The following NIM1K variants were observed in gnomAD, a reference collection of about 807,000 sequenced individuals.
NIM1K encodes serine/threonine-protein kinase NIM1.
A neutral mutation model predicts 37.1 loss-of-function variants in NIM1K; 35 were observed. The ratio of observed to expected loss-of-function variants is 0.94; its 90% CI spans 0.72 to 1.25. The LOEUF (loss-of-function observed/expected upper bound fraction) is 1.25, where lower values mean the gene tolerates loss of function less well. Among genes scored for constraint, NIM1K ranks in the 50% most tolerant of loss-of-function variants. The pLI, the probability that NIM1K is intolerant of heterozygous loss-of-function variation, is 0.00. For synonymous variants in NIM1K, 234 were observed against 206.6 expected (o/e 1.13, Z -1.14); for missense variants, 564 against 548.0 (o/e 1.03, Z -0.29).
At chr5:43,261,841 T>C (rs938967686) in intron 2 of NIM1K, among the ~76,000 whole-genome samples, 11 of 152,224 alleles carry the variant, frequency 7.2e-5, no homozygotes, top group African/African-American at 9.6e-5. Flanking sequence ...CAGCCAGTTT[T>C]CCCAGCACCA....
intron 1 of NIM1K, among the ~76,000 whole-genome samples, chr5:43,244,002 C>T (rs1278349225): frequency 6.6e-6 from 1 of 152,194 alleles, no homozygotes; most frequent in Non-Finnish European, 1.5e-5. Context: ...ATCCTTCTTC[C>T]AGATTCCTTT....
chr5:43,207,863 T>C, intron 1 of NIM1K: 1 of 327,006 alleles, frequency 3.1e-6, no homozygotes, highest in Non-Finnish European at 5.5e-6. Flanking sequence ...CTGACCTCCA[T>C]ATGCTGTACA....
chr5:43,193,553 A>G (rs920617376), intron 1 of NIM1K: 1 of 151,674 alleles, frequency 6.6e-6, no homozygotes, highest in African/African-American at 2.4e-5. Context: ...TGGAAATTAC[A>G]CAAATCGCGT....
intron 3 of NIM1K, among the ~76,000 whole-genome samples, chr5:43,277,998 C>T (rs1361241724): frequency 1.3e-5 from 2 of 149,630 alleles, no homozygotes; most frequent in African/African-American, 4.9e-5. Context: ...CCTTCCTTTT[C>T]TTCCTCCCTT....
At chr5:43,273,334 G>A (rs997723751) in intron 2 of NIM1K, among the ~76,000 whole-genome samples, 1 of 151,862 alleles carries the variant, frequency 6.6e-6, no homozygotes, top group Admixed American at 6.6e-5. Flanking sequence ...CTCCCAAGTA[G>A]CCAGAATTAC....
At chr5:43,203,106 C>T (rs926680814) in intron 1 of NIM1K, among the ~76,000 whole-genome samples, 1 of 152,224 alleles carries the variant, frequency 6.6e-6, no homozygotes, top group Non-Finnish European at 1.5e-5. Flanking sequence ...CCAGCCCCAC[C>T]GCCCCGCCAT....
At chr5:43,239,316 C>T (rs776645640) in intron 1 of NIM1K, among the ~76,000 whole-genome samples, 4 of 151,346 alleles carry the variant, frequency 2.6e-5, no homozygotes, top group African/African-American at 4.9e-5. Flanking sequence ...GGCTCACTTG[C>T]AACCTCAGCT....
At chr5:43,266,169 T>A (rs1402058074) in intron 2 of NIM1K, among the ~76,000 whole-genome samples, 2 of 152,246 alleles carry the variant, frequency 1.3e-5, no homozygotes, top group African/African-American at 4.8e-5. Flanking sequence ...GATGTTTAAG[T>A]CTGCAGAATT....
At chr5:43,204,866 C>T (rs1752085758) in intron 1 of NIM1K, among the ~76,000 whole-genome samples, 2 of 152,038 alleles carry the variant, frequency 1.3e-5, no homozygotes, top group African/African-American at 4.8e-5. Context: ...TGAGGTGGCG[C>T]TCGCCTGTAG....
chr5:43,204,027 CA>C (rs200364650), intron 1 of NIM1K, among the ~76,000 whole-genome samples: 47 of 116,248 alleles, frequency 4.0e-4, no homozygotes, highest in Non-Finnish European at 3.1e-4. Flanking sequence ...ACTCCATCTC[CA>C]AAAAAAAAAA....
intron 1 of NIM1K, among the ~76,000 whole-genome samples, chr5:43,236,106 C>A (rs1377351753): frequency 2.0e-5 from 3 of 151,900 alleles, no homozygotes; most frequent in Non-Finnish European, 4.4e-5. Context: ...AAAACCCTGT[C>A]TTTACAAAAA....
At chr5:43,273,918 C>A (rs576118231) in intron 2 of NIM1K, among the ~76,000 whole-genome samples, 2 of 151,976 alleles carry the variant, frequency 1.3e-5, no homozygotes, top group Non-Finnish European at 2.9e-5. Flanking sequence ...TAGTGTTTAT[C>A]TTTTTCACTG....
At chr5:43,213,228 T>C (rs1347784739) in intron 1 of NIM1K, among the ~76,000 whole-genome samples, 2 of 148,114 alleles carry the variant, frequency 1.4e-5, no homozygotes, top group Non-Finnish European at 3.0e-5. Context: ...TTTCTTTCCT[T>C]CTTTTCTTCC....
chr5:43,266,588 C>T (rs905982828), intron 2 of NIM1K, among the ~76,000 whole-genome samples: 2 of 152,210 alleles, frequency 1.3e-5, no homozygotes, highest in South Asian at 2.1e-4. Flanking sequence ...CGATGCCCTG[C>T]CCTAGTTCAG....
At position 43,280,350 on chromosome 5, in the gene NIM1K, C is replaced by A. The variant is rs768140976; in HGVS notation, c.932C>A (p.Thr311Lys). ...CGAGGAGTCCTTCAGCAGATCCCCA[C>A]GGAGAGGTACGGAATCGACTGCATC... ...LIRGVLQQIP[T>K]ERYGIDCIMN... The change falls in exon 4 of 4, where the codon ACG becomes AAG. Residue 311 changes from threonine (T) to lysine (K), a missense_variant. Thr to Lys is a moderately conservative substitution (Grantham distance 78). Coordinates refer to ENST00000326035, the MANE Select transcript of NIM1K (RefSeq NM_153361.4). The A allele has an allele frequency of 7.4e-6, 12 of 1,614,030 alleles. No homozygotes were observed. In the African/African-American group the frequency reaches 1.2e-4, roughly 16 times the overall value.
intron 1 of NIM1K, among the ~76,000 whole-genome samples, chr5:43,221,465 A>G (rs1752380429): frequency 1.3e-5 from 2 of 151,764 alleles, no homozygotes; most frequent in East Asian, 1.9e-4. Context: ...AAAAAAAAAA[A>G]AAAGAAAAGG....
chr5:43,269,075 G>A (rs904839041), intron 2 of NIM1K, among the ~76,000 whole-genome samples: 5 of 151,970 alleles, frequency 3.3e-5, no homozygotes, highest in African/African-American at 1.2e-4. Flanking sequence ...TTGGGAGGCT[G>A]AGGCAGGTAT....
At chr5:43,203,919 G>A (rs987150453) in intron 1 of NIM1K, among the ~76,000 whole-genome samples, 5 of 151,450 alleles carry the variant, frequency 3.3e-5, no homozygotes, top group South Asian at 4.2e-4. Context: ...CCAGCTACTC[G>A]GGAGGCTGAG....
intron 2 of NIM1K, among the ~76,000 whole-genome samples, chr5:43,269,595 G>T (rs948828995): frequency 6.6e-6 from 1 of 151,864 alleles, no homozygotes; most frequent in Non-Finnish European, 1.5e-5. Flanking sequence ...TTTTGTGTGT[G>T]TGTGTGTGTT....
Sources: gnomAD v4.1 joint callset for allele counts (sites outside exome capture counted in the v4.1 genomes callset) on GRCh38, gnomAD v4.1.1 for gene constraint, MANE v1.5 for transcripts, NCBI Gene and HGNC (gene_info 2026-07-23, HGNC 2026-07-21) for gene names.